The following ZNF804A variants were observed in gnomAD, a reference collection of about 807,000 sequenced individuals.
The protein encoded by ZNF804A is zinc finger protein 804A.
In ZNF804A, 2 loss-of-function variants were observed where a neutral mutation model predicts 16.5. The observed-to-expected ratio is 0.12, with a 90% CI of 0.05 to 0.38. The LOEUF (loss-of-function observed/expected upper bound fraction) is 0.38. ZNF804A is among the 10% of genes least tolerant of loss of function. The pLI, the probability that ZNF804A is intolerant of heterozygous loss-of-function variation, is 0.99. For synonymous variants in ZNF804A, 534 were observed against 489.6 expected, an observed-to-expected ratio of 1.09 and a Z score of -1.20; for missense variants, 1,473 against 1,390.7, an observed-to-expected ratio of 1.06 and a Z score of -0.94.
intron 1 of ZNF804A, among the ~76,000 whole-genome samples, chr2:184,601,572 T>C (rs359897): frequency 0.031 from 4,770 of 152,018 alleles, 256 homozygotes; most frequent in African/African-American, 0.11. Flanking sequence ...ACAGATAAAC[T>C]TGTGTTTATC....
At chr2:184,659,711 T>C (rs1692136806) in intron 1 of ZNF804A, among the ~76,000 whole-genome samples, 1 of 152,172 alleles carries the variant, frequency 6.6e-6, no homozygotes, top group Non-Finnish European at 1.5e-5. Context: ...TACATCATCA[T>C]ATGAATGAAT....
At chr2:184,773,807 T>A (rs1246688453) in intron 1 of ZNF804A, among the ~76,000 whole-genome samples, 7 of 151,856 alleles carry the variant, frequency 4.6e-5, no homozygotes, top group Non-Finnish European at 5.9e-5. Context: ...GAAATAAAAA[T>A]TTTTTAAAAA....
chr2:184,780,621 G>A (rs1694358348), intron 1 of ZNF804A, among the ~76,000 whole-genome samples: 1 of 151,694 alleles, frequency 6.6e-6, no homozygotes, highest in Admixed American at 6.6e-5. Context: ...GGGAGTCAAG[G>A]CAAACTCTGG....
intron 1 of ZNF804A, among the ~76,000 whole-genome samples, chr2:184,826,047 T>TTATTTATA (rs1446307048): frequency 6.6e-6 from 1 of 151,488 alleles, no homozygotes; most frequent in African/African-American, 2.4e-5. Context: ...ATTTATTTAT[T>TTATTTATA]TATTTATTTT....
intron 1 of ZNF804A, among the ~76,000 whole-genome samples, chr2:184,612,629 TTCTCTATG>T (rs1691256345): frequency 6.6e-6 from 1 of 152,158 alleles, no homozygotes; most frequent in South Asian, 2.1e-4. Context: ...GAGACAGGGT[TTCTCTATG>T]TTGGTCAGGC....
chr2:184,788,031 T>G (rs983512465), intron 1 of ZNF804A, among the ~76,000 whole-genome samples: 2 of 151,794 alleles, frequency 1.3e-5, no homozygotes, highest in Non-Finnish European at 3.0e-5. Context: ...TAATGAGAGA[T>G]AGGATAGTTT....
chr2:184,831,892 A>AT (rs1316729542), intron 1 of ZNF804A, among the ~76,000 whole-genome samples: 1 of 151,970 alleles, frequency 6.6e-6, no homozygotes, highest in African/African-American at 2.4e-5. Flanking sequence ...GGAACCTTGC[A>AT]TTTTTTGTTA....
intron 1 of ZNF804A, among the ~76,000 whole-genome samples, chr2:184,863,613 G>A (rs1163653536): frequency 1.3e-5 from 2 of 151,488 alleles, no homozygotes; most frequent in African/African-American, 2.4e-5. Flanking sequence ...GAGAGAGGAA[G>A]TAGCTTTATT....
chr2:184,690,199 A>AG (rs2105724860), intron 1 of ZNF804A, among the ~76,000 whole-genome samples: 1 of 151,896 alleles, frequency 6.6e-6, no homozygotes, highest in African/African-American at 2.4e-5. Context: ...AGGAAAAAAA[A>AG]AAAAAGTGAT....
chr2:184,745,412 G>A (rs74831041), intron 1 of ZNF804A, among the ~76,000 whole-genome samples: 6,222 of 151,692 alleles, frequency 0.041, 418 homozygotes, highest in African/African-American at 0.14. Context: ...AGATCAATTA[G>A]GAGATTAATA....
intron 1 of ZNF804A, among the ~76,000 whole-genome samples, chr2:184,765,757 C>T (rs937590402): frequency 6.6e-6 from 1 of 152,022 alleles, no homozygotes; most frequent in Non-Finnish European, 1.5e-5. Flanking sequence ...GTATACGGCT[C>T]GTCCTGCTAC....
At chr2:184,736,392 C>CAT (rs1693613503) in intron 1 of ZNF804A, among the ~76,000 whole-genome samples, 1 of 152,100 alleles carries the variant, frequency 6.6e-6, no homozygotes. Flanking sequence ...AAATGTGGTA[C>CAT]ATATACACTA....
At chr2:184,618,930 A>G (rs1439489299) in intron 1 of ZNF804A, among the ~76,000 whole-genome samples, 2 of 152,122 alleles carry the variant, frequency 1.3e-5, no homozygotes, top group Non-Finnish European at 2.9e-5. Context: ...CCATCTTTTC[A>G]GAAACTAATT....
At chr2:184,619,062 A>G (rs1273309096) in intron 1 of ZNF804A, among the ~76,000 whole-genome samples, 2 of 152,000 alleles carry the variant, frequency 1.3e-5, no homozygotes, top group Non-Finnish European at 2.9e-5. Context: ...AATGGGAGGG[A>G]GCAGGGAGGA....
chr2:184,836,086 A>G (rs1426255692), intron 1 of ZNF804A, among the ~76,000 whole-genome samples: 1 of 152,140 alleles, frequency 6.6e-6, no homozygotes, highest in African/African-American at 2.4e-5. Flanking sequence ...CCCTATCTAT[A>G]AATGAGAATT....
chr2:184,738,025 T>C (rs1574188382), intron 1 of ZNF804A, among the ~76,000 whole-genome samples: 1 of 146,516 alleles, frequency 6.8e-6, no homozygotes, highest in Admixed American at 6.8e-5. Context: ...ACTTGGGAGG[T>C]TGAGGCAAGA....
intron 1 of ZNF804A, among the ~76,000 whole-genome samples, chr2:184,772,508 T>C (rs1337938780): frequency 3.3e-5 from 5 of 152,024 alleles, no homozygotes; most frequent in Admixed American, 6.6e-5. Flanking sequence ...GCTATGTATA[T>C]ATAAAATATT....
At chr2:184,668,440 A>G (rs1192693658) in intron 1 of ZNF804A, among the ~76,000 whole-genome samples, 1 of 151,106 alleles carries the variant, frequency 6.6e-6, no homozygotes, top group East Asian at 1.9e-4. Context: ...TAAACAGAAC[A>G]GTATCATCAT....
intron 1 of ZNF804A, among the ~76,000 whole-genome samples, chr2:184,667,502 T>A (rs1490108915): frequency 6.6e-6 from 1 of 151,908 alleles, no homozygotes; most frequent in Non-Finnish European, 1.5e-5. Context: ...GAGGATCTAC[T>A]ATGTCAAAGA....
Sources: allele counts gnomAD v4.1 joint callset (sites outside exome capture counted in the v4.1 genomes callset), GRCh38; gene constraint gnomAD v4.1.1; transcripts MANE v1.5; gene names NCBI Gene and HGNC (gene_info 2026-07-23, HGNC 2026-07-21).